The following WBP1L variants were observed in gnomAD, a reference collection of about 807,000 sequenced individuals.
WBP1L encodes the protein WW domain binding protein 1 like.
In WBP1L, 17 loss-of-function variants were observed where a neutral mutation model predicts 33.7. The ratio of observed to expected loss-of-function variants is 0.50; its 90% CI spans 0.34 to 0.76. The LOEUF (loss-of-function observed/expected upper bound fraction) is 0.76. Ranked by LOEUF, WBP1L falls within the 30% of genes least tolerant of loss-of-function variation. The pLI, the probability that WBP1L is intolerant of heterozygous loss-of-function variation, is 0.01. For synonymous variants in WBP1L, 173 were observed against 190.8 expected, an observed-to-expected ratio of 0.91 and a Z score of 0.77; for missense variants, 389 against 469.4, an observed-to-expected ratio of 0.83 and a Z score of 1.58.
chr10:102,758,449 A>C (rs192560834), intron 1 of WBP1L, among the ~76,000 whole-genome samples: 1 of 152,308 alleles, frequency 6.6e-6, no homozygotes, highest in South Asian at 2.1e-4. Flanking sequence ...TGGACATTTC[A>C]TATGAATGGA....
At chr10:102,772,345 C>T (rs1488384314) in intron 1 of WBP1L, among the ~76,000 whole-genome samples, 1 of 147,418 alleles carries the variant, frequency 6.8e-6, no homozygotes, top group East Asian at 2.0e-4. Flanking sequence ...ACTGCAGCCT[C>T]CATCTCCCAG....
At chr10:102,766,754 C>A (rs1233478141) in intron 1 of WBP1L, among the ~76,000 whole-genome samples, 3 of 151,922 alleles carry the variant, frequency 2.0e-5, no homozygotes, top group Non-Finnish European at 4.4e-5. Context: ...ATTGCTTGAA[C>A]TCAGGAGGCG....
At chr10:102,760,711 T>C (rs1843028163) in intron 1 of WBP1L, among the ~76,000 whole-genome samples, 1 of 152,090 alleles carries the variant, frequency 6.6e-6, no homozygotes, top group Admixed American at 6.6e-5. Flanking sequence ...GCCCAGAGAC[T>C]GCTCTGAGGC....
At chr10:102,754,536 C>A (rs1201371793) in intron 1 of WBP1L, among the ~76,000 whole-genome samples, 1 of 151,758 alleles carries the variant, frequency 6.6e-6, no homozygotes, top group East Asian at 2.0e-4. Flanking sequence ...GTGGCTGGGA[C>A]TACAGGCATG....
chr10:102,813,428 A>G lies in WBP1L; in HGVS notation c.*97A>G. On this transcript the variant is annotated 3_prime_UTR_variant, in exon 4 of 4. Coordinates refer to ENST00000448841, the MANE Select transcript of WBP1L (RefSeq NM_001083913.2). ...AGTGACTTTCAAAGACTTTCAGAGTACAGCCACTTGGTTCCTTTTTGTTTG... is the reference window on the plus strand; with the variant it reads ...AGTGACTTTCAAAGACTTTCAGAGTGCAGCCACTTGGTTCCTTTTTGTTTG... The G allele has an allele frequency of 6.9e-7, 1 of 1,443,814 alleles. No homozygotes were observed. The highest frequency in any genetic ancestry group is 9.2e-7 in the Non-Finnish European group (1 of 1,090,852). 89.4% of individuals were successfully genotyped at this position (1,443,814 alleles called of 1,614,324 possible).
intron 1 of WBP1L, 116 bp downstream of exon 1, chr10:102,744,259 A>G (rs1235137984): frequency 1.9e-5 from 24 of 1,293,322 alleles, no homozygotes; most frequent in East Asian, 2.8e-5. Context: ...AGGGGCGTCT[A>G]TGCCTGGCGT....
At chr10:102,789,968 G>A (rs1326998400) in intron 1 of WBP1L, among the ~76,000 whole-genome samples, 1 of 151,992 alleles carries the variant, frequency 6.6e-6, no homozygotes, top group South Asian at 2.1e-4. Flanking sequence ...TCGATCTCCT[G>A]ACCTCATGAT....
intron 1 of WBP1L, among the ~76,000 whole-genome samples, chr10:102,772,012 G>A (rs1176382753): frequency 2.7e-5 from 4 of 150,090 alleles, no homozygotes; most frequent in Non-Finnish European, 5.9e-5. Flanking sequence ...CCAGGCTGGA[G>A]TGCAGTGGCA....
chr10:102,776,836 CTG>C (rs1463923963), intron 1 of WBP1L, among the ~76,000 whole-genome samples: 1 of 151,988 alleles, frequency 6.6e-6, no homozygotes, highest in Non-Finnish European at 1.5e-5. Flanking sequence ...TGAAGGGACT[CTG>C]TGTTGGGGGT....
chr10:102,783,579 T>C (rs1843367775), intron 1 of WBP1L, among the ~76,000 whole-genome samples: 1 of 152,210 alleles, frequency 6.6e-6, no homozygotes, highest in South Asian at 2.1e-4. Context: ...GTACAAAATA[T>C]TGTGCTGCAG....
intron 2 of WBP1L, among the ~76,000 whole-genome samples, chr10:102,803,078 T>C (rs1234197377): frequency 1.3e-5 from 2 of 152,258 alleles, no homozygotes; most frequent in Non-Finnish European, 2.9e-5. Flanking sequence ...GTTTTTAAGC[T>C]GGGCTTTGAA....
intron 1 of WBP1L, among the ~76,000 whole-genome samples, chr10:102,749,739 G>A (rs1842906840): frequency 6.6e-6 from 1 of 151,906 alleles, no homozygotes; most frequent in Non-Finnish European, 1.5e-5. Flanking sequence ...TGGGATTGCA[G>A]GCGTGAGCCA....
intron 1 of WBP1L, chr10:102,744,450 T>C (rs1842839371): frequency 1.0e-6 from 1 of 985,176 alleles, no homozygotes; most frequent in Non-Finnish European, 1.2e-6. Flanking sequence ...GTGGGCCTTA[T>C]TCGTGTCCCT....
In WBP1L at chr10:102,810,564, CTTTTTTTTT is replaced by C. The variant is rs779749788; in HGVS notation, c.355+521_355+529del. Among the ~76,000 whole-genome samples, 13 of 59,800 alleles carry C rather than the reference CTTTTTTTTT, an allele frequency of 2.2e-4. 1 individual carries two copies. Among genetic ancestry groups the C allele is most frequent in the African/African-American group, 9.2e-4 (13 of 14,186 alleles). 39.2% of individuals were successfully genotyped at this position (59,800 alleles called of 152,430 possible). A position where few individuals can be genotyped will look rare whatever the true frequency, so the allele number is the denominator to read the frequency against. ...TCCCTCCCTCTCTCTCTCTCTATTT[CTTTTTTTTT>C]TTTTTTTTTTGAGATGGAGTTTCTC... is the stretch of plus-strand genomic sequence containing the variant. On this transcript the variant is annotated intron_variant, in intron 3 of 3. Coordinates refer to ENST00000448841, the MANE Select transcript of WBP1L (RefSeq NM_001083913.2).
At chr10:102,803,515 T>G (rs1843686257) in intron 2 of WBP1L, among the ~76,000 whole-genome samples, 1 of 152,112 alleles carries the variant, frequency 6.6e-6, no homozygotes, top group Non-Finnish European at 1.5e-5. Context: ...TCAAAACTTG[T>G]CTTTGAGGAA....
At chr10:102,766,810 C>T (rs139657470) in intron 1 of WBP1L, among the ~76,000 whole-genome samples, 2,511 of 144,050 alleles carry the variant, frequency 0.017, 55 homozygotes, top group South Asian at 0.12. Context: ...CCAGCCTGAG[C>T]GACAGAGCGA....
chr10:102,790,317 T>G (rs1024878234), intron 1 of WBP1L, among the ~76,000 whole-genome samples: 2 of 152,204 alleles, frequency 1.3e-5, no homozygotes, highest in Non-Finnish European at 2.9e-5. Flanking sequence ...ATTTCTTGTT[T>G]GGTAGTGTTC....
intron 1 of WBP1L, among the ~76,000 whole-genome samples, chr10:102,760,666 T>C (rs7088981): frequency 0.72 from 109,576 of 151,796 alleles, 39,842 homozygotes; most frequent in East Asian, 0.9. Context: ...TGAGCCACCG[T>C]GCCTGGCCGA....
rs750852779 is a variant in WBP1L, at chr10:102,813,105, A to G, written c.866A>G (p.Glu289Gly). 28 of 1,613,826 alleles carry G rather than the reference A, an allele frequency of 1.7e-5. No homozygotes were observed. The South Asian group carries it at 2.9e-4, about 16-fold the overall frequency. Residue 289 changes from glutamate (E) to glycine (G), a missense_variant, in exon 4 of 4, where the codon GAG becomes GGG. Coordinates refer to ENST00000448841, the MANE Select transcript of WBP1L (RefSeq NM_001083913.2). ...NRGHHDDDLK[E>G]FNTLIDDALD... ...GGCCACCATGACGATGACCTCAAAG[A>G]GTTCAACACACTCATCGATGATGCT...
Sources: gnomAD v4.1 joint callset for allele counts (sites outside exome capture counted in the v4.1 genomes callset) on GRCh38, gnomAD v4.1.1 for gene constraint, MANE v1.5 for transcripts, NCBI Gene and HGNC (gene_info 2026-07-23, HGNC 2026-07-21) for gene names.